The following PCDHA11 variants were observed in gnomAD, a reference collection of about 807,000 sequenced individuals.
PCDHA11 encodes the protein protocadherin alpha-11.
Under a neutral mutation model 70.3 loss-of-function variants are expected in PCDHA11, and 61 were observed. That is an observed-to-expected ratio of 0.87 (90% CI 0.71 to 1.07). The LOEUF (loss-of-function observed/expected upper bound fraction) is 1.07, where lower values mean the gene tolerates loss of function less well. Ranked by LOEUF, PCDHA11 falls within the 50% of genes least tolerant of loss-of-function variation. The pLI is 0.00. For synonymous variants in PCDHA11, 633 were observed against 555.1 expected (o/e 1.14, Z -1.97); for missense variants, 1,324 against 1,237.5 (o/e 1.07, Z -1.05).
chr5:140,968,312 C>A, intron 1 of PCDHA11: 2 of 1,613,960 alleles, frequency 1.2e-6, no homozygotes, highest in Non-Finnish European at 1.7e-6. Context: ...GATTCAAGGG[C>A]TGCCAGTCAC....
chr5:140,941,960 A>G (rs569784391), intron 1 of PCDHA11, among the ~76,000 whole-genome samples: 6 of 152,354 alleles, frequency 3.9e-5, no homozygotes, highest in African/African-American at 1.4e-4. Flanking sequence ...AAACAATAGT[A>G]TCTTTACTTT....
At chr5:140,883,525 A>G in intron 1 of PCDHA11, 1 of 1,614,220 alleles carries the variant, frequency 6.2e-7, no homozygotes, top group Middle Eastern at 1.7e-4. Context: ...AGAGCGTATC[A>G]GCCTATGAAC....
chr5:140,883,004 G>A (rs1554176457), intron 1 of PCDHA11: 1 of 1,614,118 alleles, frequency 6.2e-7, no homozygotes, highest in East Asian at 2.2e-5. Flanking sequence ...TTACCAATCC[G>A]TTTATAAAGT....
chr5:140,967,515 C>G, intron 1 of PCDHA11: 1 of 1,612,792 alleles, frequency 6.2e-7, no homozygotes, highest in Non-Finnish European at 8.5e-7. Flanking sequence ...GTCCTGGACA[C>G]TAACGACAAC....
Position 140,870,069 on chromosome 5 carries a change from A to G in PCDHA11, c.966A>G (p.Thr322=), listed in dbSNP as rs376226695. The G allele has an allele frequency of 2.7e-5, 43 of 1,613,780 alleles. No homozygotes were observed. Among genetic ancestry groups the G allele is most frequent in the Non-Finnish European group, 3.4e-5 (40 of 1,179,894 alleles). The change falls in exon 1 of 4, where the codon ACA becomes ACG. Residue 322 remains threonine, a synonymous_variant. Transcript: ENST00000398640. ...TTTATAAAATTGAAGTACAGGCTAC[A>G]GATAAGGGGACTCCCCCAATGGCAG... ...NKFYKIEVQA[T]DKGTPPMAGH... is the part of the protein sequence containing the mutation.
intron 1 of PCDHA11, among the ~76,000 whole-genome samples, chr5:140,946,263 G>T (rs1168857420): frequency 6.6e-6 from 1 of 151,750 alleles, no homozygotes; most frequent in East Asian, 1.9e-4. Flanking sequence ...AGAAAAATGC[G>T]AATTAAAACC....
chr5:140,927,755 C>G (rs1388061408), intron 1 of PCDHA11: 6 of 1,614,196 alleles, frequency 3.7e-6, no homozygotes, highest in Non-Finnish European at 5.1e-6. Flanking sequence ...CACGTGCACC[C>G]TAAAAGTGGG....
At chr5:140,961,387 C>T (rs1249667395) in intron 1 of PCDHA11, among the ~76,000 whole-genome samples, 1 of 152,148 alleles carries the variant, frequency 6.6e-6, no homozygotes, top group Admixed American at 6.5e-5. Flanking sequence ...TTGAACTATT[C>T]CATTAGTAAA....
chr5:140,916,910 A>G (rs898370877), intron 1 of PCDHA11, among the ~76,000 whole-genome samples: 3 of 152,194 alleles, frequency 2.0e-5, no homozygotes, highest in African/African-American at 7.2e-5. Context: ...AAGTTTACCT[A>G]GAACCTCAGA....
At chr5:140,889,503 C>G (rs2062252341) in intron 1 of PCDHA11, among the ~76,000 whole-genome samples, 2 of 151,950 alleles carry the variant, frequency 1.3e-5, no homozygotes, top group Admixed American at 1.3e-4. Context: ...AGTGATATTT[C>G]CCTTTCCATT....
In PCDHA11 at chr5:140,882,516, T is replaced by C. The variant is rs782263799; in HGVS notation, c.2391+11022T>C. ...CTGGAGGTAAATCTGCAGAATGGCA[T>C]TTTGTTTGTGAATTCTCGGATCGAC... is the stretch of plus-strand genomic sequence containing the variant. On this transcript the variant is annotated intron_variant, in intron 1 of 3. Coordinates refer to ENST00000398640, the MANE Select transcript of PCDHA11 (RefSeq NM_018902.5). 1.4e-5 allele frequency: 22 copies of C among 1,614,068 alleles called. No individual in the cohort carries two copies. The highest frequency in any genetic ancestry group is 4.0e-5 in the African/African-American group (3 of 74,944).
intron 1 of PCDHA11, among the ~76,000 whole-genome samples, chr5:140,907,645 T>C (rs2073515740): frequency 1.3e-5 from 2 of 152,328 alleles, no homozygotes; most frequent in South Asian, 4.1e-4. Flanking sequence ...TGCTGGCAAA[T>C]TGGGCACTCA....
At chr5:140,991,539 C>T (rs1458315356) in intron 3 of PCDHA11, among the ~76,000 whole-genome samples, 3 of 152,164 alleles carry the variant, frequency 2.0e-5, no homozygotes, top group Admixed American at 6.6e-5. Context: ...CACTATATAA[C>T]AAGGATCCAC....
intron 1 of PCDHA11, chr5:140,966,770 G>C: frequency 2.0e-6 from 3 of 1,500,088 alleles, no homozygotes; most frequent in Non-Finnish European, 2.7e-6. Flanking sequence ...AGTGGCTATG[G>C]AGCAGGCGGG....
chr5:140,932,063 T>C (rs1020375496), intron 1 of PCDHA11, among the ~76,000 whole-genome samples: 8 of 151,942 alleles, frequency 5.3e-5, no homozygotes, highest in African/African-American at 1.4e-4. Context: ...CTAAAAATTA[T>C]CAGTTTAAGA....
chr5:140,981,502 A>G (rs2096935392), intron 2 of PCDHA11, among the ~76,000 whole-genome samples: 2 of 152,218 alleles, frequency 1.3e-5, no homozygotes, highest in Non-Finnish European at 2.9e-5. Flanking sequence ...TGAACCTGGG[A>G]GGCAGAGGTT....
At chr5:140,880,737 G>T (rs139077188) in intron 1 of PCDHA11, among the ~76,000 whole-genome samples, 1 of 152,304 alleles carries the variant, frequency 6.6e-6, no homozygotes, top group Non-Finnish European at 1.5e-5. Flanking sequence ...TAGAGAAAAT[G>T]GATTGTCAGT....
chr5:140,926,812 G>C, intron 1 of PCDHA11: 3 of 1,459,082 alleles, frequency 2.1e-6, no homozygotes, highest in Non-Finnish European at 1.8e-6. Flanking sequence ...CCCGCGGCTC[G>C]TGCTCTCCAG....
intron 3 of PCDHA11, 32 bp from the exon 4 acceptor site, chr5:141,009,595 C>A (rs781807814): frequency 6.2e-7 from 1 of 1,604,124 alleles, no homozygotes; most frequent in African/African-American, 1.3e-5. Context: ...TGTGTTGACC[C>A]TGTTAATGAT....
Sources: gnomAD v4.1 joint callset for allele counts (sites outside exome capture counted in the v4.1 genomes callset) on GRCh38, gnomAD v4.1.1 for gene constraint, MANE v1.5 for transcripts, NCBI Gene and HGNC (gene_info 2026-07-23, HGNC 2026-07-21) for gene names.